Variants in MRPS18C observed in about 807,000 individuals in gnomAD.
MRPS18C encodes small ribosomal subunit protein bS18m.
MRPS18C carries 21 observed loss-of-function variants against 21.0 expected under a neutral mutation model. The observed-to-expected ratio is 1.00, with a 90% confidence interval of 0.71 to 1.44. MRPS18C has a LOEUF of 1.44. Among genes scored for constraint, MRPS18C ranks in the 40% most tolerant of loss-of-function variants. The probability of loss-of-function intolerance (pLI) is 0.00; values close to 1 mark genes in which losing one functional copy is unlikely to be tolerated. For synonymous variants in MRPS18C, 65 were observed against 54.3 expected, an observed-to-expected ratio of 1.20 and a Z score of -0.87; for missense variants, 152 against 171.5, an observed-to-expected ratio of 0.89 and a Z score of 0.64.
At position 83,461,521 on chromosome 4, in the gene MRPS18C, G is replaced by A; in HGVS notation, c.*324G>A. The A allele has an allele frequency of 3.1e-6, 1 of 324,630 alleles. No individual in the cohort carries two copies. The highest frequency in any genetic ancestry group is 4.6e-5 in the East Asian group (1 of 21,716). 20.1% of individuals were successfully genotyped at this position (324,630 alleles called of 1,614,324 possible). Reference sequence around the variant, plus strand: ...CCAACTAGCAAATATAAGTATGCCTGGTTAAGATATCTTCCCTTTGTAGAA... The same window carrying A: ...CCAACTAGCAAATATAAGTATGCCTAGTTAAGATATCTTCCCTTTGTAGAA... On this transcript the variant is annotated 3_prime_UTR_variant, in exon 6 of 6. Coordinates refer to ENST00000295491, the MANE Select transcript of MRPS18C (RefSeq NM_016067.4).
intron 2 of MRPS18C, chr4:83,457,259 G>GTTTT: frequency 5.2e-6 from 1 of 190,974 alleles, no homozygotes; most frequent in Non-Finnish European, 1.0e-5. Context: ...TTTGGGAATT[G>GTTTT]TTTTTTTTTT....
At chr4:83,460,821 G>A (rs535542234) in intron 4 of MRPS18C, 152 bp from the exon 5 acceptor site, 182 of 627,564 alleles carry the variant, frequency 2.9e-4, no homozygotes, top group Non-Finnish European at 4.9e-4. Flanking sequence ...CAAGATAATC[G>A]ATTGAGCCTG....
chr4:83,460,379 T>A (rs1722042520), intron 4 of MRPS18C: 1 of 152,228 alleles, frequency 6.6e-6, no homozygotes, highest in African/African-American at 2.4e-5. Context: ...GGTCTTGAAT[T>A]CCTGACCTCA....
At chr4:83,459,875 A>G in intron 4 of MRPS18C, 78 bp downstream of exon 4, 1 of 1,258,580 alleles carries the variant, frequency 7.9e-7, no homozygotes, top group Admixed American at 2.3e-5. Context: ...AAGAAAACTC[A>G]AATTTTCAAA....
chr4:83,456,228 T>TA (rs760219947), intron 1 of MRPS18C, 51 bp downstream of exon 1: 17 of 1,523,142 alleles, frequency 1.1e-5, no homozygotes, highest in Non-Finnish European at 1.5e-5. Flanking sequence ...GCATTAACCT[T>TA]AGTCCTAATG....
At chr4:83,456,809 A>G (rs1578116015) in intron 1 of MRPS18C, 100 bp from the exon 2 acceptor site, 2 of 1,164,352 alleles carry the variant, frequency 1.7e-6, no homozygotes, top group East Asian at 2.3e-5. Context: ...TTTCTTTAAT[A>G]TCGTGTCCCT....
chr4:83,462,202 C>T lies in MRPS18C; in HGVS notation c.*1005C>T. 1 of 378,274 alleles carries T rather than the reference C, an allele frequency of 2.6e-6. No individual in the cohort carries two copies. Among genetic ancestry groups the T allele is most frequent in the Non-Finnish European group, 4.7e-6 (1 of 211,496 alleles). 23.4% of individuals were successfully genotyped at this position (378,274 alleles called of 1,614,324 possible). A position where few individuals can be genotyped will look rare whatever the true frequency, so the allele number is the denominator to read the frequency against. On this transcript the variant is annotated 3_prime_UTR_variant, in exon 6 of 6. Transcript: ENST00000295491. ...GCCACTGTGCCTGGTCTCACTTTTC[C>T]AATTCTAAAGAATGTGTCTGTGTAA...
In MRPS18C at chr4:83,456,948, A is replaced by G; in HGVS notation, c.140A>G (p.Asn47Ser). 6.2e-7 allele frequency: 1 copy of G among 1,612,176 alleles called. No homozygotes were observed. Among genetic ancestry groups the G allele is most frequent in the Non-Finnish European group, 8.5e-7 (1 of 1,179,822 alleles). ...RRGCSQQVSS[N>S]EDLPISMENP... ...GGTTGTTCACAACAGGTATCCAGCA[A>G]TGAGGACCTGGTAAGAATTTTTTTT... The change falls in exon 2 of 6, where the codon AAT becomes AGT. Residue 47 changes from asparagine to serine, a missense_variant. This residue lies in a region of MRPS18C where 118 missense variants were observed against 104.4 expected (regional missense o/e 1.13). Coordinates refer to ENST00000295491, the MANE Select transcript of MRPS18C (RefSeq NM_016067.4).
rs1389976200 is a variant in MRPS18C, at chr4:83,461,182, C to T, written c.414C>T (p.Ile138=). The T allele has an allele frequency of 1.2e-6, 2 of 1,611,972 alleles. No homozygotes were observed. The highest frequency in any genetic ancestry group is 1.7e-5 in the Admixed American group (1 of 60,016). Residue 138 remains isoleucine, a synonymous_variant, in exon 6 of 6, where the codon ATC becomes ATT. Transcript: ENST00000295491. The part of the protein sequence containing the change: ...AYLKDPKVCN[I]RYRE ...TCAAGGACCCTAAAGTTTGTAACAT[C>T]AGATATCGGGAATAAATTCTATCAC... is the stretch of plus-strand genomic sequence containing the variant.
intron 1 of MRPS18C, among the ~76,000 whole-genome samples, chr4:83,456,608 T>C (rs986878798): frequency 6.6e-6 from 1 of 152,218 alleles, no homozygotes; most frequent in African/African-American, 2.4e-5. Context: ...TTTCTGTTGC[T>C]TCTCCTATAA....
chr4:83,459,133 T>A (rs1361410858), intron 3 of MRPS18C: 8 of 67,754 alleles, frequency 1.2e-4, no homozygotes, highest in Admixed American at 6.2e-4. Context: ...GTGACAAGAG[T>A]AAAACTCTGT....
At chr4:83,460,889 C>A in intron 4 of MRPS18C, 84 bp from the exon 5 acceptor site, 2 of 1,168,758 alleles carry the variant, frequency 1.7e-6, no homozygotes, top group Non-Finnish European at 2.5e-6. Context: ...CTGGGTGACA[C>A]AGGGAGACTC....
At chr4:83,458,186 C>G (rs572262642) in intron 2 of MRPS18C, 160 bp from the exon 3 acceptor site, 13 of 545,850 alleles carry the variant, frequency 2.4e-5, no homozygotes, top group Non-Finnish European at 3.5e-5. Context: ...ATGCGTTAAT[C>G]CGTAGGCTAA....
rs1476797994 is a variant in MRPS18C, at chr4:83,461,895, AGAT to A, written c.*703_*705del. The A allele has an allele frequency of 4.4e-6, 1 of 229,420 alleles. No homozygotes were observed. Among genetic ancestry groups the A allele is most frequent in the Non-Finnish European group, 8.6e-6 (1 of 115,796 alleles). The allele number at this position is 229,420 out of a possible 1,614,324, so 14.2% of individuals were successfully genotyped here. ...CAAATGTAGGACAAATTTAAATTTT[AGAT>A]GATGTTTTGCAAATTTATTGCATGA... On this transcript the variant is annotated 3_prime_UTR_variant, in exon 6 of 6. Coordinates refer to ENST00000295491, the MANE Select transcript of MRPS18C (RefSeq NM_016067.4).
chr4:83,461,074 A>C, intron 5 of MRPS18C, 42 bp downstream of exon 5: 1 of 1,612,550 alleles, frequency 6.2e-7, no homozygotes, highest in South Asian at 1.1e-5. Context: ...GCTAGCTGAA[A>C]TTTTGCTCAT....
intron 1 of MRPS18C, 148 bp downstream of exon 1, chr4:83,456,325 G>C: frequency 1.5e-6 from 1 of 684,966 alleles, no homozygotes; most frequent in Non-Finnish European, 2.5e-6. Flanking sequence ...AATTGCCTTT[G>C]ACTGTTTTAG....
intron 3 of MRPS18C, chr4:83,458,641 A>G: frequency 4.9e-6 from 2 of 404,326 alleles, no homozygotes; most frequent in Non-Finnish European, 8.5e-6. Flanking sequence ...TGTTATTTCC[A>G]CTCTGTTTTT....
At chr4:83,459,593 TA>T in intron 3 of MRPS18C, 146 bp from the exon 4 acceptor site, 2 of 650,126 alleles carry the variant, frequency 3.1e-6, no homozygotes, top group Admixed American at 3.1e-5. Flanking sequence ...AACAGGAGGA[TA>T]ACAATATTTT....
chr4:83,457,815 A>C (rs1435613377), intron 2 of MRPS18C: 1 of 154,998 alleles, frequency 6.5e-6, no homozygotes, highest in Non-Finnish European at 1.4e-5. Context: ...AGGCACTGTG[A>C]CAAAAGCATT....
Sources: allele counts gnomAD v4.1 joint callset (sites outside exome capture counted in the v4.1 genomes callset), GRCh38; gene constraint gnomAD v4.1.1; regional missense constraint gnomAD v4.1.1; transcripts MANE v1.5; gene names NCBI Gene and HGNC (gene_info 2026-07-23, HGNC 2026-07-21).